Variants in FLT4 observed in about 807,000 individuals in gnomAD.
FLT4 encodes vascular endothelial growth factor receptor 3.
A neutral mutation model predicts 163.2 loss-of-function variants in FLT4; 30 were observed. That is an observed-to-expected ratio of 0.18 (90% CI 0.14 to 0.25). The LOEUF (loss-of-function observed/expected upper bound fraction) is 0.25, where lower values mean the gene tolerates loss of function less well. Among genes scored for constraint, FLT4 ranks in the 10% least tolerant of loss-of-function variants. The probability of loss-of-function intolerance (pLI) is 1.00; values close to 1 mark genes in which losing one functional copy is unlikely to be tolerated. For missense variants in FLT4, 1,510 were observed against 1,863.8 expected, an observed-to-expected ratio of 0.81 and a Z score of 3.50; for synonymous variants, 884 against 789.5, an observed-to-expected ratio of 1.12 and a Z score of -2.01.
intron 10 of FLT4, among the ~76,000 whole-genome samples, chr5:180,625,403 G>A (rs914422152): frequency 6.6e-6 from 1 of 152,218 alleles, no homozygotes; most frequent in Non-Finnish European, 1.5e-5. Context: ...TCTCTAAGGG[G>A]ATGTGAGTGG....
chr5:180,642,524 C>A (rs560925858), intron 1 of FLT4, among the ~76,000 whole-genome samples: 106 of 152,094 alleles, frequency 7.0e-4, no homozygotes, highest in African/African-American at 2.4e-3. Context: ...GGTCCCCAGC[C>A]GGCCTCGGGC....
At chr5:180,632,599 GGTGTGTGTGTGTGT>G (rs36217296) in intron 1 of FLT4, among the ~76,000 whole-genome samples, 74,782 of 150,576 alleles carry the variant, frequency 0.5, 19,029 homozygotes, top group South Asian at 0.64. Context: ...CCCGTGAGGT[GGTGTGTGTGTGTGT>G]GTGTGTGTGT....
chr5:180,609,751 G>A (rs548407958), intron 28 of FLT4, 154 bp downstream of exon 28: 9 of 877,054 alleles, frequency 1.0e-5, no homozygotes, highest in Non-Finnish European at 1.7e-5. Context: ...ATCGCAGGAG[G>A]GCCCAAATGT....
At chr5:180,603,888 AGT>A (rs1278196888) in intron 29 of FLT4, among the ~76,000 whole-genome samples, 3 of 148,164 alleles carry the variant, frequency 2.0e-5, no homozygotes, top group Non-Finnish European at 4.4e-5. Context: ...TGGGCGACAG[AGT>A]GAGACTCCAT....
At position 180,621,898 on chromosome 5, in the gene FLT4, G is replaced by T; in HGVS notation, c.1664C>A (p.Pro555His). 1.9e-6 allele frequency: 3 copies of T among 1,613,452 alleles called. No individual in the cohort carries two copies. Among genetic ancestry groups the T allele is most frequent in the Non-Finnish European group, 2.5e-6 (3 of 1,179,974 alleles). Reference sequence around the variant, plus strand: ...CTTGGATTCGATGGTGAAGCCGTCGGGGATGGCTGTGGAGGGAGGAAGAAG... The same window carrying T: ...CTTGGATTCGATGGTGAAGCCGTCGTGGATGGCTGTGGAGGGAGGAAGAAG... ...RLIYFYVTTI[P>H]DGFTIESKPS... Residue 555 changes from proline (P) to histidine (H), a missense_variant, in exon 13 of 30, where the codon CCC becomes CAC. Pro to His is a moderately conservative substitution (Grantham distance 77). Around this residue, in one of 5 missense-constraint regions of FLT4, gnomAD observed 878 missense variants for 1,016.7 expected, o/e 0.86. Transcript: ENST00000261937.
intron 2 of FLT4, 22 bp downstream of exon 2, chr5:180,631,660 C>T (rs1413056213): frequency 6.3e-7 from 1 of 1,580,954 alleles, no homozygotes; most frequent in South Asian, 1.1e-5. Context: ...TCTGGCCTGC[C>T]AGTGGGAGAG....
At chr5:180,647,140 G>T (rs1308843252) in intron 1 of FLT4, among the ~76,000 whole-genome samples, 1 of 152,210 alleles carries the variant, frequency 6.6e-6, no homozygotes, top group African/African-American at 2.4e-5. Flanking sequence ...CAGATGCCCA[G>T]CAGACCCTGC....
At chr5:180,634,706 A>G (rs1243895898) in intron 1 of FLT4, among the ~76,000 whole-genome samples, 12 of 146,122 alleles carry the variant, frequency 8.2e-5, no homozygotes, top group Non-Finnish European at 1.6e-4. Context: ...AAAAAAAAAA[A>G]AAAAAAAAGA....
chr5:180,634,438 C>T (rs974188979), intron 1 of FLT4, among the ~76,000 whole-genome samples: 8 of 152,108 alleles, frequency 5.3e-5, no homozygotes, highest in African/African-American at 1.9e-4. Flanking sequence ...CGTGGTGGCT[C>T]ACGCCTGTCA....
intron 1 of FLT4, among the ~76,000 whole-genome samples, chr5:180,638,057 G>T (rs1478309144): frequency 1.3e-5 from 2 of 152,090 alleles, no homozygotes; most frequent in Non-Finnish European, 2.9e-5. Context: ...ATAGGGAGCC[G>T]CGCATGCTCT....
rs1221303860 is a variant in FLT4 at position 180,636,343 on chromosome 5, C to A, written c.59-4565G>T. Among the ~76,000 whole-genome samples the A allele has an allele frequency of 6.6e-6, 1 of 152,134 alleles. No homozygotes were observed. Among genetic ancestry groups the A allele is most frequent in the Non-Finnish European group, 1.5e-5 (1 of 68,014 alleles). The stretch of plus-strand genomic sequence containing the variant: ...CCTTCCTGCCTTATGTGAAGCCTGG[C>A]TTTCTGGCCACGGCACTGGCCCTGG... On this transcript the variant is annotated intron_variant, in intron 1 of 29. Transcript: ENST00000261937. This position sits in a 1 kb window ranked among gnomAD's most constrained non-coding sequence, Gnocchi z 4.3.
intron 20 of FLT4, 36 bp downstream of exon 20, chr5:180,618,985 C>A: frequency 6.5e-7 from 1 of 1,549,650 alleles, no homozygotes; most frequent in Non-Finnish European, 8.7e-7. Flanking sequence ...CTCCATTCCC[C>A]CGCCGCCCGC....
intron 1 of FLT4, among the ~76,000 whole-genome samples, chr5:180,641,035 G>A (rs972326551): frequency 1.3e-5 from 2 of 152,154 alleles, no homozygotes; most frequent in Non-Finnish European, 2.9e-5. Context: ...CTGCATCCTC[G>A]CAGCCCTGCC....
chr5:180,636,331 T>C lies in FLT4; in HGVS notation c.59-4553A>G, dbSNP rs898007868. On this transcript the variant is annotated intron_variant, in intron 1 of 29. Transcript: ENST00000261937. The surrounding 1 kb of genome is among the most constrained non-coding windows in gnomAD (Gnocchi z 4.3). ...ACTCCGAATGTCCCTTCCTGCCTTA[T>C]GTGAAGCCTGGCTTTCTGGCCACGG... Among the ~76,000 whole-genome samples the C allele has an allele frequency of 1.3e-5, 2 of 152,150 alleles. No homozygotes were observed. The highest frequency in any genetic ancestry group is 2.4e-5 in the African/African-American group (1 of 41,412).
chr5:180,603,961 TGCC>T (rs1459832811), intron 29 of FLT4, among the ~76,000 whole-genome samples: 1 of 150,842 alleles, frequency 6.6e-6, no homozygotes, highest in Non-Finnish European at 1.5e-5. Context: ...GCCAAGATCG[TGCC>T]GCTGCACTCC....
At chr5:180,632,209 G>A (rs1029771580) in intron 1 of FLT4, among the ~76,000 whole-genome samples, 14 of 143,288 alleles carry the variant, frequency 9.8e-5, no homozygotes, top group African/African-American at 2.7e-4. Flanking sequence ...CAGAGGGTCC[G>A]CACATCCCAG....
Position 180,608,994 on chromosome 5 carries a change from G to A in FLT4, c.3867C>T (p.Ser1289=), listed in dbSNP as rs34371546. 1.6e-3 allele frequency: 2,579 copies of A among 1,614,132 alleles called. 43 individuals carry two copies. In the African/African-American group the frequency reaches 0.03, roughly 19 times the overall value. ...LASEEFEQIE[S]RHRQESGFSC... ...TGAAGCCGCTTTCTTGTCTATGCCT[G>A]CTCTCTATCTGCTCAAACTCCTCCG... Residue 1289 remains serine, a synonymous_variant, in exon 29 of 30, where the codon AGC becomes AGT. Coordinates refer to ENST00000261937, the MANE Select transcript of FLT4 (RefSeq NM_182925.5).
At chr5:180,617,086 C>T (rs1357774588) in intron 21 of FLT4, 92 bp from the exon 22 acceptor site, 1 of 885,964 alleles carries the variant, frequency 1.1e-6, no homozygotes, top group Non-Finnish European at 1.9e-6. Flanking sequence ...CATGTCAGCC[C>T]CTCTCCTGCC....
chr5:180,625,924 T>C lies in FLT4; in HGVS notation c.1366A>G (p.Ile456Val). ...GTCCAGGGCCGCCAGTGCCACTGGA[T>C]GCTGAGAGGCAGGGGCACCCCGTAG... ...TAYGVPLPLS[I>V]QWHWRPWTPC... is the part of the protein sequence containing the mutation. The change falls in exon 10 of 30, where the codon ATC becomes GTC. Residue 456 changes from isoleucine to valine, a missense_variant. Transcript: ENST00000261937. 6.2e-7 allele frequency: 1 copy of C among 1,612,606 alleles called. No homozygotes were observed. Among genetic ancestry groups the C allele is most frequent in the Non-Finnish European group, 8.5e-7 (1 of 1,179,956 alleles).
Sources: gnomAD v4.1 joint callset for allele counts (sites outside exome capture counted in the v4.1 genomes callset) on GRCh38, gnomAD v4.1.1 for gene constraint, gnomAD v4.1.1 regional missense constraint, Gnocchi (gnomAD v3.1) non-coding constraint, MANE v1.5 for transcripts, NCBI Gene and HGNC (gene_info 2026-07-23, HGNC 2026-07-21) for gene names.